SEMA6A: variants seen among roughly 807,000 people sequenced by gnomAD.
The protein encoded by SEMA6A is semaphorin-6A.
Under a neutral mutation model 96.8 loss-of-function variants are expected in SEMA6A, and 25 were observed. That is an observed-to-expected ratio of 0.26 (90% CI 0.19 to 0.36). The LOEUF is 0.36. SEMA6A is among the 10% of genes least tolerant of loss of function. The pLI, the probability that SEMA6A is intolerant of heterozygous loss-of-function variation, is 1.00. For synonymous variants in SEMA6A, 612 were observed against 518.0 expected (o/e 1.18, Z -2.46); for missense variants, 1,363 against 1,323.1 (o/e 1.03, Z -0.47).
intron 6 of SEMA6A, 107 bp from the exon 7 acceptor site, chr5:116,491,937 C>T: frequency 2.3e-6 from 2 of 860,086 alleles, no homozygotes; most frequent in Non-Finnish European, 1.9e-6. Context: ...TCTGTAATCA[C>T]TTTGAGATGG....
chr5:116,507,859 C>G (rs1370749742), intron 1 of SEMA6A, among the ~76,000 whole-genome samples: 1 of 152,148 alleles, frequency 6.6e-6, no homozygotes, highest in Non-Finnish European at 1.5e-5. Context: ...TAAAACATAC[C>G]ATTACTACAA....
At chr5:116,515,424 T>C (rs1453155365) in intron 1 of SEMA6A, among the ~76,000 whole-genome samples, 2 of 152,172 alleles carry the variant, frequency 1.3e-5, no homozygotes, top group Non-Finnish European at 1.5e-5. Flanking sequence ...ATATGGGTTA[T>C]TTTTGCGTTG....
chr5:116,501,170 A>C (rs1757859960), intron 3 of SEMA6A, among the ~76,000 whole-genome samples: 1 of 152,220 alleles, frequency 6.6e-6, no homozygotes, highest in Non-Finnish European at 1.5e-5. Flanking sequence ...GGAGGATCAT[A>C]TATTGTTGGA....
At chr5:116,505,033 C>T (rs1274819466) in intron 1 of SEMA6A, 51 bp from the exon 2 acceptor site, 1 of 823,198 alleles carries the variant, frequency 1.2e-6, no homozygotes, top group South Asian at 1.7e-5. Context: ...TTGTTCAATG[C>T]CATAAAATGA....
At chr5:116,449,700 G>A in intron 18 of SEMA6A, 1 of 210,736 alleles carries the variant, frequency 4.7e-6, no homozygotes, top group South Asian at 1.3e-4. Context: ...AAAGGATTGT[G>A]ACTTAAGTAG....
At chr5:116,537,202 A>G (rs900809471) in intron 1 of SEMA6A, among the ~76,000 whole-genome samples, 3 of 152,210 alleles carry the variant, frequency 2.0e-5, no homozygotes, top group Non-Finnish European at 2.9e-5. Context: ...TAATAAATAC[A>G]TTTCTTGAGA....
Position 116,478,522 on chromosome 5 carries a change from G to C in SEMA6A, c.1427+20C>G. 3 of 1,586,606 alleles carry C rather than the reference G, an allele frequency of 1.9e-6. No homozygotes were observed. The highest frequency in any genetic ancestry group is 1.7e-6 in the Non-Finnish European group (2 of 1,166,002). On this transcript the variant is annotated intron_variant, in intron 13 of 18. Transcript: ENST00000343348. ...AGCATAACAAATAATTACTAAGAAA[G>C]AACCAAATATTCCACTTACTTTTCA...
chr5:116,448,422 T>C (rs1019073858), intron 18 of SEMA6A, among the ~76,000 whole-genome samples: 4 of 152,180 alleles, frequency 2.6e-5, no homozygotes, highest in African/African-American at 9.7e-5. Flanking sequence ...CCAGGGAATA[T>C]GGGAGGTTTT....
intron 5 of SEMA6A, 80 bp from the exon 6 acceptor site, chr5:116,495,594 G>A: frequency 9.5e-7 from 1 of 1,054,192 alleles, no homozygotes; most frequent in Non-Finnish European, 1.4e-6. Context: ...ATGGTTGGCT[G>A]ACAGTAAGGT....
intron 1 of SEMA6A, among the ~76,000 whole-genome samples, chr5:116,548,376 T>C (rs1342752356): frequency 6.6e-6 from 1 of 152,084 alleles, no homozygotes; most frequent in African/African-American, 2.4e-5. Context: ...TTTGGAGTGG[T>C]ATATGGAGTG....
At chr5:116,485,842 AT>A (rs1405086076) in intron 10 of SEMA6A, among the ~76,000 whole-genome samples, 1 of 152,200 alleles carries the variant, frequency 6.6e-6, no homozygotes, top group African/African-American at 2.4e-5. Context: ...TGTTAGGATC[AT>A]TTTCACACAA....
chr5:116,560,270 G>A (rs1233803590), intron 1 of SEMA6A, among the ~76,000 whole-genome samples: 1 of 152,184 alleles, frequency 6.6e-6, no homozygotes, highest in East Asian at 1.9e-4. Flanking sequence ...TTGGGACAGA[G>A]AATAGTCAGG....
In SEMA6A at chr5:116,496,294, C is replaced by T; in HGVS notation, c.299G>A (p.Arg100Lys). The T allele has an allele frequency of 6.2e-7, 1 of 1,613,702 alleles. No homozygotes were observed. The highest frequency in any genetic ancestry group is 8.5e-7 in the Non-Finnish European group (1 of 1,179,710). Reference sequence around the variant, plus strand: ...TCTGCATGTGTCTACATCGGCCTGTCTAGATTTCCATGTCAGTTTCTGCAG... The same window carrying T: ...TCTGCATGTGTCTACATCGGCCTGTTTAGATTTCCATGTCAGTTTCTGCAG... ...YCSKKLTWKS[R>K]QADVDTCRMK... Residue 100 changes from arginine to lysine, a missense_variant, in exon 5 of 19, where the codon AGA becomes AAA. Coordinates refer to ENST00000343348, the MANE Select transcript of SEMA6A (RefSeq NM_020796.5).
intron 1 of SEMA6A, among the ~76,000 whole-genome samples, chr5:116,565,538 C>T (rs1437336365): frequency 6.6e-6 from 1 of 152,198 alleles, no homozygotes; most frequent in Non-Finnish European, 1.5e-5. Context: ...AAATCAACTC[C>T]ACTGCCATTC....
intron 18 of SEMA6A, among the ~76,000 whole-genome samples, chr5:116,457,594 C>T (rs1042125905): frequency 6.6e-6 from 1 of 152,086 alleles, no homozygotes; most frequent in African/African-American, 2.4e-5. Flanking sequence ...AGGCTGTAGA[C>T]TTATAAGAGC....
rs1259245895 is a variant in SEMA6A, at chr5:116,504,959, G to T, written c.-15C>A. 1 of 1,555,286 alleles carries T rather than the reference G, an allele frequency of 6.4e-7. No individual in the cohort carries two copies. Among genetic ancestry groups the T allele is most frequent in the Middle Eastern group, 1.7e-4 (1 of 5,982 alleles). The stretch of plus-strand genomic sequence containing the variant: ...TCTGACCTCATAGTAGTTCAGCGGG[G>T]AGACTTTATTTCTCTACTTCACCCT... On this transcript the variant is annotated 5_prime_UTR_variant, in exon 2 of 19. Transcript: ENST00000343348.
intron 1 of SEMA6A, among the ~76,000 whole-genome samples, chr5:116,509,491 C>A (rs1415544640): frequency 6.6e-6 from 1 of 152,164 alleles, no homozygotes; most frequent in Non-Finnish European, 1.5e-5. Flanking sequence ...CTCCTAGTCT[C>A]CTCACCTGTA....
rs77603124 is a variant in SEMA6A at position 116,523,576 on chromosome 5, T to G, written c.-38-18594A>C. On this transcript the variant is annotated intron_variant, in intron 1 of 18. Coordinates refer to ENST00000343348, the MANE Select transcript of SEMA6A (RefSeq NM_020796.5). ...ATCCACCCGCCTCAGTCTCCCAAAG[T>G]GTTGGGATTACATGCATGAGCCACT... 7.2e-3 allele frequency among the ~76,000 whole-genome samples: 1,093 copies of G among 152,136 alleles called. 12 individuals carry two copies. Among genetic ancestry groups the G allele is most frequent in the African/African-American group, 0.025 (1,020 of 41,520 alleles).
intron 1 of SEMA6A, among the ~76,000 whole-genome samples, chr5:116,527,399 T>C (rs1759276214): frequency 6.6e-6 from 1 of 152,182 alleles, no homozygotes; most frequent in South Asian, 2.1e-4. Context: ...CAAAATAAAA[T>C]AAACTATTCC....
Sources: gnomAD v4.1 joint callset for allele counts (sites outside exome capture counted in the v4.1 genomes callset) on GRCh38, gnomAD v4.1.1 for gene constraint, MANE v1.5 for transcripts, NCBI Gene and HGNC (gene_info 2026-07-23, HGNC 2026-07-21) for gene names.